MCTS1: variants seen among roughly 807,000 people sequenced by gnomAD.
The protein encoded by MCTS1 is MCTS1 re-initiation and release factor.
For synonymous variants in MCTS1, 26 were observed against 40.8 expected, an observed-to-expected ratio of 0.64 and a Z score of 1.38; for missense variants, 55 against 128.6, an observed-to-expected ratio of 0.43 and a Z score of 2.77.
rs1926872162 is a variant in MCTS1, at chrX:120,616,929, A to G, written c.*4665A>G. 8.9e-6 allele frequency among the ~76,000 whole-genome samples: 1 copy of G among 112,197 alleles called. No individual in the cohort carries two copies. Among genetic ancestry groups the G allele is most frequent in the African/African-American group, 3.2e-5 (1 of 30,948 alleles). Reference sequence around the variant, plus strand: ...AAATATAGCAAACATAGCTAGTAATACTAACAGGTGAAAACTGATATTTCA... The same window carrying G: ...AAATATAGCAAACATAGCTAGTAATGCTAACAGGTGAAAACTGATATTTCA... On this transcript the variant is annotated 3_prime_UTR_variant, in exon 6 of 6. Transcript: ENST00000371317.
At position 120,613,088 on chromosome X, in the gene MCTS1, G is replaced by A. The variant is rs1370652112; in HGVS notation, c.*824G>A. Among the ~76,000 whole-genome samples the A allele has an allele frequency of 9.1e-6, 1 of 109,573 alleles. No homozygotes were observed. The highest frequency in any genetic ancestry group is 2.9e-4 in the East Asian group (1 of 3,478). ...ATTACAGGCACGTGCCACCATGCCC[G>A]GCTAATTTTGTATTTTTGGTAGAGA... is the stretch of plus-strand genomic sequence containing the variant. On this transcript the variant is annotated 3_prime_UTR_variant, in exon 6 of 6. Coordinates refer to ENST00000371317, the MANE Select transcript of MCTS1 (RefSeq NM_014060.3).
intron 2 of MCTS1, 138 bp downstream of exon 2, chrX:120,605,697 A>C: frequency 1.6e-6 from 1 of 628,204 alleles, no homozygotes; most frequent in Non-Finnish European, 2.3e-6. Context: ...ATAACTCTAA[A>C]ACTCCAATAT....
intron 3 of MCTS1, among the ~76,000 whole-genome samples, chrX:120,606,454 A>G (rs1322796359): frequency 8.9e-6 from 1 of 112,818 alleles, no homozygotes; most frequent in African/African-American, 3.2e-5. Flanking sequence ...CATGCATTCC[A>G]GAAAGCCCAA....
rs760002550 is a variant in MCTS1, at chrX:120,618,993, T to A, written c.*6729T>A. ...TTTGCTGATATAAAGACAAACATCT[T>A]GATTAAAGTGTAGGGAGATAGAAAC... On this transcript the variant is annotated 3_prime_UTR_variant, in exon 6 of 6. Transcript: ENST00000371317. Among the ~76,000 whole-genome samples the A allele has an allele frequency of 3.3e-4, 37 of 112,102 alleles. No homozygotes were observed. Among genetic ancestry groups the A allele is most frequent in the Non-Finnish European group, 5.8e-4 (31 of 53,255 alleles).
At position 120,616,314 on chromosome X, in the gene MCTS1, A is replaced by G. The variant is rs1249700091; in HGVS notation, c.*4050A>G. Among the ~76,000 whole-genome samples, 1 of 69,340 alleles carries G rather than the reference A, an allele frequency of 1.4e-5. No individual in the cohort carries two copies. Among genetic ancestry groups the G allele is most frequent in the Non-Finnish European group, 2.7e-5 (1 of 36,680 alleles). 60.2% of individuals were successfully genotyped at this position (69,340 alleles called of 115,157 possible). A position where few individuals can be genotyped will look rare whatever the true frequency, so the allele number is the denominator to read the frequency against. On this transcript the variant is annotated 3_prime_UTR_variant, in exon 6 of 6. Transcript: ENST00000371317. Reference sequence around the variant, plus strand: ...AGTTTCTAAAGAAATCATACTTGTCATTGTAGAGATGCATGTAAATTAAAT... The same window carrying G: ...AGTTTCTAAAGAAATCATACTTGTCGTTGTAGAGATGCATGTAAATTAAAT...
rs7059167 is a variant in MCTS1 at position 120,608,622 on chromosome X, G to A, written c.396+264G>A. ...CTCAGCTGCATTTCAGCCCAGTCAG[G>A]GCCTACTGTTATCAGACTTAGGACA... On this transcript the variant is annotated intron_variant, in intron 4 of 5. Transcript: ENST00000371317. 2.0e-3 allele frequency among the ~76,000 whole-genome samples: 227 copies of A among 111,955 alleles called. 3 individuals carry two copies. Among genetic ancestry groups the A allele is most frequent in the East Asian group, 0.011 (41 of 3,567 alleles).
chrX:120,606,563 C>T (rs1490627621), intron 3 of MCTS1, among the ~76,000 whole-genome samples: 1 of 112,162 alleles, frequency 8.9e-6, no homozygotes, highest in East Asian at 2.8e-4. Context: ...GCGGGTGGAT[C>T]ACCTGAGATC....
At chrX:120,605,206 C>T (rs1446202574) in intron 1 of MCTS1, among the ~76,000 whole-genome samples, 2 of 111,445 alleles carry the variant, frequency 1.8e-5, no homozygotes, top group Non-Finnish European at 3.8e-5. Flanking sequence ...CAGTTTATTT[C>T]AATATTGTAT....
At chrX:120,606,506 G>A (rs1363675098) in intron 3 of MCTS1, among the ~76,000 whole-genome samples, 1 of 112,461 alleles carries the variant, frequency 8.9e-6, no homozygotes, top group South Asian at 3.6e-4. Flanking sequence ...ATTTATTGCC[G>A]GGCACGGAGG....
At position 120,620,047 on chromosome X, in the gene MCTS1, C is replaced by T. The variant is rs1233072906; in HGVS notation, c.*7783C>T. Among the ~76,000 whole-genome samples, 1 of 111,783 alleles carries T rather than the reference C, an allele frequency of 8.9e-6. No homozygotes were observed. The highest frequency in any genetic ancestry group is 1.9e-5 in the Non-Finnish European group (1 of 53,191). ...CTGGGGAAGGCCGGGCACGGTGGTT[C>T]ACGCCTGTAATCCCAGTACTTTGGG... On this transcript the variant is annotated 3_prime_UTR_variant, in exon 6 of 6. Transcript: ENST00000371317.
chrX:120,614,556 A>G lies in MCTS1; in HGVS notation c.*2292A>G, dbSNP rs1312134859. 8.9e-6 allele frequency among the ~76,000 whole-genome samples: 1 copy of G among 112,087 alleles called. No individual in the cohort carries two copies. Among genetic ancestry groups the G allele is most frequent in the East Asian group, 2.8e-4 (1 of 3,588 alleles). On this transcript the variant is annotated 3_prime_UTR_variant, in exon 6 of 6. Transcript: ENST00000371317. ...TTATTTATTCCTGGTCCACGAAAGT[A>G]TAAATAGTCTCATCAGGAACTCATT...
intron 4 of MCTS1, among the ~76,000 whole-genome samples, chrX:120,610,378 G>T (rs1926655001): frequency 9.1e-6 from 1 of 110,456 alleles, no homozygotes; most frequent in East Asian, 2.9e-4. Context: ...ACTTTGGGAG[G>T]CTGAGGCAGG....
chrX:120,608,372 G>C lies in MCTS1; in HGVS notation c.396+14G>C. The C allele has an allele frequency of 8.6e-7, 1 of 1,161,990 alleles. No homozygotes were observed. Among genetic ancestry groups the C allele is most frequent in the Non-Finnish European group, 1.2e-6 (1 of 867,043 alleles). On this transcript the variant is annotated intron_variant, in intron 4 of 5. Coordinates refer to ENST00000371317, the MANE Select transcript of MCTS1 (RefSeq NM_014060.3). ...GATACCATTGTTGTATCCTTCCCAG[G>C]CTAAAACTGCTGAAAAATGTATTCA...
rs759155323 is a variant in MCTS1, at chrX:120,606,045, T to C, written c.165-34T>C. Reference sequence around the variant, plus strand: ...TATTGTGAATTTTTGAAAGAAAATATCTAACTTGGTACTTTGTGACATTTG... The same window carrying C: ...TATTGTGAATTTTTGAAAGAAAATACCTAACTTGGTACTTTGTGACATTTG... On this transcript the variant is annotated intron_variant, in intron 2 of 5. Transcript: ENST00000371317. 2.6e-5 allele frequency: 22 copies of C among 862,452 alleles called. No homozygotes were observed. The East Asian group carries it at 7.0e-4, about 28-fold the overall frequency. 71.1% of individuals were successfully genotyped at this position (862,452 alleles called of 1,213,427 possible).
chrX:120,620,168 C>T lies in MCTS1; in HGVS notation c.*7904C>T, dbSNP rs1019071666. Among the ~76,000 whole-genome samples the T allele has an allele frequency of 2.7e-5, 3 of 109,542 alleles. No homozygotes were observed. The highest frequency in any genetic ancestry group is 1.0e-4 in the African/African-American group (3 of 29,985). On this transcript the variant is annotated 3_prime_UTR_variant, in exon 6 of 6. Coordinates refer to ENST00000371317, the MANE Select transcript of MCTS1 (RefSeq NM_014060.3). ...CTAAAAATACAAAAAATTAACCGGA[C>T]GCAGTGGTGGGCGCCTGTAGTCCCA...
intron 1 of MCTS1, 77 bp downstream of exon 1, chrX:120,604,324 G>C: frequency 1.7e-6 from 2 of 1,154,713 alleles, no homozygotes; most frequent in Non-Finnish European, 2.4e-6. Context: ...CGAGAGCTAA[G>C]ATCCTCTTTC....
intron 1 of MCTS1, 93 bp from the exon 2 acceptor site, chrX:120,605,314 G>T: frequency 1.3e-6 from 1 of 767,736 alleles, no homozygotes. Flanking sequence ...ATACTTGGTT[G>T]GGAATAAATG....
rs749131354 is a variant in MCTS1, at chrX:120,613,087, C to T, written c.*823C>T. Reference sequence around the variant, plus strand: ...GATTACAGGCACGTGCCACCATGCCCGGCTAATTTTGTATTTTTGGTAGAG... The same window carrying T: ...GATTACAGGCACGTGCCACCATGCCTGGCTAATTTTGTATTTTTGGTAGAG... On this transcript the variant is annotated 3_prime_UTR_variant, in exon 6 of 6. Coordinates refer to ENST00000371317, the MANE Select transcript of MCTS1 (RefSeq NM_014060.3). 2.6e-4 allele frequency among the ~76,000 whole-genome samples: 28 copies of T among 109,746 alleles called. No homozygotes were observed. The East Asian group carries it at 4.0e-3, about 16-fold the overall frequency.
At position 120,616,376 on chromosome X, in the gene MCTS1, T is replaced by C. The variant is rs1295924723; in HGVS notation, c.*4112T>C. 8.9e-6 allele frequency among the ~76,000 whole-genome samples: 1 copy of C among 112,507 alleles called. No homozygotes were observed. Among genetic ancestry groups the C allele is most frequent in the Non-Finnish European group, 1.9e-5 (1 of 53,341 alleles). On this transcript the variant is annotated 3_prime_UTR_variant, in exon 6 of 6. Coordinates refer to ENST00000371317, the MANE Select transcript of MCTS1 (RefSeq NM_014060.3). ...TTTTATACTTGTATGTATTTTATACTTTGTATGAATACTTTTATTACACTT... is the reference window on the plus strand; with the variant it reads ...TTTTATACTTGTATGTATTTTATACCTTGTATGAATACTTTTATTACACTT...
Sources: gnomAD v4.1 joint callset for allele counts (sites outside exome capture counted in the v4.1 genomes callset) on GRCh38, gnomAD v4.1.1 for gene constraint, MANE v1.5 for transcripts, NCBI Gene and HGNC (gene_info 2026-07-23, HGNC 2026-07-21) for gene names.